Variants in RBMS2 observed in about 807,000 individuals in gnomAD.
RBMS2 encodes the protein RNA-binding motif, single-stranded-interacting protein 2.
In RBMS2, 38 loss-of-function variants were observed where a neutral mutation model predicts 58.4. The observed-to-expected ratio is 0.65, with a 90% CI of 0.50 to 0.85. The LOEUF (loss-of-function observed/expected upper bound fraction) is 0.85. Ranked by LOEUF, RBMS2 falls within the 40% of genes least tolerant of loss-of-function variation. The pLI, the probability that RBMS2 is intolerant of heterozygous loss-of-function variation, is 0.00. For missense variants in RBMS2, 367 were observed against 503.7 expected (o/e 0.73, Z 2.60); for synonymous variants, 151 against 180.7 (o/e 0.84, Z 1.32).
At chr12:56,533,259 C>A (rs1874099784) in intron 1 of RBMS2, among the ~76,000 whole-genome samples, 2 of 151,868 alleles carry the variant, frequency 1.3e-5, no homozygotes, top group Non-Finnish European at 2.9e-5. Context: ...CACCACCACA[C>A]CTGGCTAATT....
intron 7 of RBMS2, 74 bp downstream of exon 7, chr12:56,581,582 T>C: frequency 6.8e-7 from 1 of 1,460,364 alleles, no homozygotes; most frequent in Non-Finnish European, 9.5e-7. Flanking sequence ...GCATGATTTC[T>C]GTGAGCTTAG....
chr12:56,544,189 T>G (rs1362641892), intron 1 of RBMS2, among the ~76,000 whole-genome samples: 1 of 151,994 alleles, frequency 6.6e-6, no homozygotes, highest in African/African-American at 2.4e-5. Context: ...GGCAGGAGAC[T>G]CGTTTGAACC....
At chr12:56,522,539 CATAG>C (rs775238800) in intron 1 of RBMS2, among the ~76,000 whole-genome samples, 17 of 152,228 alleles carry the variant, frequency 1.1e-4, no homozygotes, top group South Asian at 2.1e-4. Context: ...TAGCTGAAAT[CATAG>C]ATAGTCAGAG....
At chr12:56,570,091 G>A (rs1882038222) in intron 4 of RBMS2, 101 bp downstream of exon 4, 1 of 1,052,772 alleles carries the variant, frequency 9.5e-7, no homozygotes, top group Non-Finnish European at 1.4e-6. Flanking sequence ...ATGAAATTGA[G>A]TGGGCAAGGG....
At chr12:56,541,370 TATTAA>T (rs1425374865) in intron 1 of RBMS2, among the ~76,000 whole-genome samples, 1 of 152,166 alleles carries the variant, frequency 6.6e-6, no homozygotes, top group Admixed American at 6.6e-5. Context: ...ATTGAATTAC[TATTAA>T]ATTATTATTT....
intron 9 of RBMS2, among the ~76,000 whole-genome samples, chr12:56,582,958 C>T (rs1489847713): frequency 6.6e-6 from 1 of 152,194 alleles, no homozygotes; most frequent in East Asian, 1.9e-4. Context: ...CAGCCGTGAT[C>T]TGGGTTTTAA....
intron 1 of RBMS2, among the ~76,000 whole-genome samples, chr12:56,561,501 G>C (rs1880375442): frequency 6.6e-6 from 1 of 151,914 alleles, no homozygotes; most frequent in Non-Finnish European, 1.5e-5. Flanking sequence ...CTGTGGTTTT[G>C]AGTTGCATTT....
At chr12:56,580,997 C>T (rs1169408364) in intron 5 of RBMS2, among the ~76,000 whole-genome samples, 187 bp from the exon 6 acceptor site, 1 of 152,150 alleles carries the variant, frequency 6.6e-6, no homozygotes, top group East Asian at 1.9e-4. Context: ...TTGAAAGAAC[C>T]TTCATTACAA....
rs966753785 is a variant in RBMS2, at chr12:56,595,130, T to A, written c.*5997T>A. 6.6e-6 allele frequency: 1 copy of A among 152,196 alleles called. No individual in the cohort carries two copies. The highest frequency in any genetic ancestry group is 2.4e-5 in the African/African-American group (1 of 41,434). 9.4% of individuals were successfully genotyped at this position (152,196 alleles called of 1,614,324 possible). On this transcript the variant is annotated 3_prime_UTR_variant, in exon 14 of 14. Transcript: ENST00000262031. Reference sequence around the variant, plus strand: ...AGGACACCAGCATAGGAGCAGAGTTTAGAACTTAAGAGGACAAGAAAGCTG... The same window carrying A: ...AGGACACCAGCATAGGAGCAGAGTTAAGAACTTAAGAGGACAAGAAAGCTG...
intron 1 of RBMS2, among the ~76,000 whole-genome samples, chr12:56,547,652 C>CTTTTTT (rs71081378): frequency 3.6e-5 from 5 of 138,000 alleles, no homozygotes; most frequent in Non-Finnish European, 7.8e-5. Context: ...CTTTTCTTTT[C>CTTTTTT]TTTTTTTTTT....
Position 56,595,999 on chromosome 12 carries a change from A to AGGAGTTTT in RBMS2, c.*6866_*6867insGGAGTTTT, listed in dbSNP as rs1885769577. Reference sequence around the variant, plus strand: ...TTTTCTACAGCTGCACTTGTGGAACATCACATGGCAAAAACAGGAGTTTTT... The same window carrying AGGAGTTTT: ...TTTTCTACAGCTGCACTTGTGGAACAGGAGTTTTTCACATGGCAAAAACAGGAGTTTTT... On this transcript the variant is annotated 3_prime_UTR_variant, in exon 14 of 14. Coordinates refer to ENST00000262031, the MANE Select transcript of RBMS2 (RefSeq NM_002898.4). 2 of 152,716 alleles carry AGGAGTTTT rather than the reference A, an allele frequency of 1.3e-5. No individual in the cohort carries two copies. The highest frequency in any genetic ancestry group is 1.3e-4 in the Admixed American group (2 of 15,290). 9.5% of individuals were successfully genotyped at this position (152,716 alleles called of 1,614,324 possible).
In RBMS2 at chr12:56,589,481, A is replaced by G. The variant is rs1196449114; in HGVS notation, c.*348A>G. On this transcript the variant is annotated 3_prime_UTR_variant, in exon 14 of 14. Transcript: ENST00000262031. ...ACATGGTGGTCGCAGCTTCTCATCT[A>G]TATGAAAAAGTTTTCGATGTATTGG... 1.1e-5 allele frequency: 3 copies of G among 270,058 alleles called. No individual in the cohort carries two copies. The highest frequency in any genetic ancestry group is 6.9e-5 in the African/African-American group (3 of 43,712). The allele number at this position is 270,058 out of a possible 1,614,324, so 16.7% of individuals were successfully genotyped here.
chr12:56,595,386 A>G lies in RBMS2; in HGVS notation c.*6253A>G, dbSNP rs544640043. 6 of 152,298 alleles carry G rather than the reference A, an allele frequency of 3.9e-5. No individual in the cohort carries two copies. Among genetic ancestry groups the G allele is most frequent in the African/African-American group, 1.4e-4 (6 of 41,556 alleles). The allele number at this position is 152,298 out of a possible 1,614,324, so 9.4% of individuals were successfully genotyped here. A position where few individuals can be genotyped will look rare whatever the true frequency, so the allele number is the denominator to read the frequency against. ...AAACACCTCTTTGCATGTGGACAGAAAATGTTTATACTTAAACAGACATAT... is the reference window on the plus strand; with the variant it reads ...AAACACCTCTTTGCATGTGGACAGAGAATGTTTATACTTAAACAGACATAT... On this transcript the variant is annotated 3_prime_UTR_variant, in exon 14 of 14. Coordinates refer to ENST00000262031, the MANE Select transcript of RBMS2 (RefSeq NM_002898.4).
At chr12:56,588,515 G>A (rs954652685) in intron 12 of RBMS2, 141 bp downstream of exon 12, 1 of 762,320 alleles carries the variant, frequency 1.3e-6, no homozygotes, top group Non-Finnish European at 2.2e-6. Flanking sequence ...ACGTAGGAAG[G>A]ATGTGCTCGC....
intron 1 of RBMS2, among the ~76,000 whole-genome samples, chr12:56,535,580 T>C (rs10876902): frequency 0.45 from 67,818 of 151,240 alleles, 16,069 homozygotes; most frequent in East Asian, 0.6. Context: ...GGACTGGAAC[T>C]CTCAACTTGG....
intron 1 of RBMS2, among the ~76,000 whole-genome samples, chr12:56,542,530 C>CTTTTTTTT (rs11295563): frequency 8.0e-6 from 1 of 124,298 alleles, no homozygotes; most frequent in African/African-American, 3.0e-5. Context: ...CCTGTGTTTC[C>CTTTTTTTT]TTTTTTTTTT....
In RBMS2 at chr12:56,594,602, A is replaced by C. The variant is rs1885569095; in HGVS notation, c.*5469A>C. ...AATTTCCTCATTTGGTAGGCCTTCC[A>C]TAGGAGTCAGCTATGGACTTCCATA... is the stretch of plus-strand genomic sequence containing the variant. On this transcript the variant is annotated 3_prime_UTR_variant, in exon 14 of 14. Coordinates refer to ENST00000262031, the MANE Select transcript of RBMS2 (RefSeq NM_002898.4). 1 of 152,180 alleles carries C rather than the reference A, an allele frequency of 6.6e-6. No homozygotes were observed. Among genetic ancestry groups the C allele is most frequent in the Non-Finnish European group, 1.5e-5 (1 of 68,040 alleles). The allele number at this position is 152,180 out of a possible 1,614,324, so 9.4% of individuals were successfully genotyped here.
chr12:56,541,424 C>G (rs963507354), intron 1 of RBMS2, among the ~76,000 whole-genome samples: 2 of 152,222 alleles, frequency 1.3e-5, no homozygotes. Context: ...GGGCTGTACT[C>G]TAACCTTTAC....
upstream of RBMS2, among the ~76,000 whole-genome samples, chr12:56,520,996 T>C (rs1055990663): frequency 1.3e-5 from 2 of 152,180 alleles, no homozygotes; most frequent in African/African-American, 4.8e-5. Context: ...GAATCTGAAA[T>C]AGGAGTGAGG....
Sources: gnomAD v4.1 joint callset for allele counts (sites outside exome capture counted in the v4.1 genomes callset) on GRCh38, gnomAD v4.1.1 for gene constraint, MANE v1.5 for transcripts, NCBI Gene and HGNC (gene_info 2026-07-23, HGNC 2026-07-21) for gene names.